TNFAIP8: variants seen among roughly 807,000 people sequenced by gnomAD.
The protein encoded by TNFAIP8 is tumor necrosis factor alpha-induced protein 8.
A neutral mutation model predicts 13.3 loss-of-function variants in TNFAIP8; 7 were observed. That is an observed-to-expected ratio of 0.52 (90% CI 0.30 to 0.99). The LOEUF (loss-of-function observed/expected upper bound fraction) is 0.99. Ranked by LOEUF, TNFAIP8 falls within the 50% of genes least tolerant of loss-of-function variation. The probability of loss-of-function intolerance (pLI) is 0.07; values close to 1 mark genes in which losing one functional copy is unlikely to be tolerated. For synonymous variants in TNFAIP8, 94 were observed against 87.6 expected, an observed-to-expected ratio of 1.07 and a Z score of -0.41; for missense variants, 258 against 236.9, an observed-to-expected ratio of 1.09 and a Z score of -0.58.
intron 1 of TNFAIP8, among the ~76,000 whole-genome samples, chr5:119,314,257 G>A (rs1225546420): frequency 1.3e-5 from 2 of 152,244 alleles, no homozygotes; most frequent in East Asian, 1.9e-4. Flanking sequence ...CAGCACATGG[G>A]ACAGGGTCTG....
intron 1 of TNFAIP8, among the ~76,000 whole-genome samples, chr5:119,271,509 C>T (rs1055183477): frequency 6.6e-6 from 1 of 152,154 alleles, no homozygotes; most frequent in Non-Finnish European, 1.5e-5. Flanking sequence ...TCCATTTATG[C>T]GTGATAGCAG....
At chr5:119,299,824 T>TC (rs1581583783) in intron 1 of TNFAIP8, among the ~76,000 whole-genome samples, 1 of 152,254 alleles carries the variant, frequency 6.6e-6, no homozygotes, top group East Asian at 1.9e-4. Flanking sequence ...CGGGCGCCCT[T>TC]CCCCCAGCCT....
At chr5:119,333,001 G>T (rs949771100) in intron 1 of TNFAIP8, among the ~76,000 whole-genome samples, 1 of 151,472 alleles carries the variant, frequency 6.6e-6, no homozygotes, top group Non-Finnish European at 1.5e-5. Flanking sequence ...TGAGCAATAC[G>T]TATTATTAAT....
At chr5:119,356,843 TGTGA>T (rs1313094682) in intron 1 of TNFAIP8, among the ~76,000 whole-genome samples, 1 of 152,088 alleles carries the variant, frequency 6.6e-6, no homozygotes, top group Non-Finnish European at 1.5e-5. Context: ...TTTATTTGTG[TGTGA>T]GTGTTTGTAT....
intron 1 of TNFAIP8, among the ~76,000 whole-genome samples, chr5:119,357,495 C>T (rs191580360): frequency 2.6e-5 from 4 of 152,072 alleles, no homozygotes; most frequent in South Asian, 2.1e-4. Context: ...CTTAAGCTGG[C>T]GTTTTCTCTC....
rs554821127 is a variant in TNFAIP8 at position 119,332,972 on chromosome 5, C to T, written c.2-59844C>T. 2.0e-5 allele frequency among the ~76,000 whole-genome samples: 3 copies of T among 152,198 alleles called. No individual in the cohort carries two copies. In the East Asian group the frequency reaches 5.8e-4, roughly 29 times the overall value. On this transcript the variant is annotated intron_variant, in intron 1 of 1. Coordinates refer to the TNFAIP8 transcript ENST00000274456. ...TGTCCAAACTCTATTCTTAGTTCTC[C>T]TGAGAACAGAAACACCTCTGAGCAA...
At chr5:119,352,080 G>A (rs1408712351), upstream of TNFAIP8, among the ~76,000 whole-genome samples, 1 of 152,146 alleles carries the variant, frequency 6.6e-6, no homozygotes, top group East Asian at 1.9e-4. Flanking sequence ...GAGCCACTGT[G>A]CCCGGCCATA....
intron 1 of TNFAIP8, among the ~76,000 whole-genome samples, chr5:119,364,654 CTT>C (rs1751763342): frequency 6.6e-6 from 1 of 151,416 alleles, no homozygotes; most frequent in Admixed American, 6.6e-5. Context: ...AGTTATCACT[CTT>C]ATCATTTAGG....
chr5:119,362,958 C>A (rs968423558), intron 1 of TNFAIP8, among the ~76,000 whole-genome samples: 1 of 152,082 alleles, frequency 6.6e-6, no homozygotes, highest in Non-Finnish European at 1.5e-5. Flanking sequence ...GTGAGAGTAG[C>A]CAGTCACAAA....
intron 1 of TNFAIP8, among the ~76,000 whole-genome samples, chr5:119,341,021 G>A (rs141553720): frequency 5.2e-4 from 79 of 152,070 alleles, no homozygotes; most frequent in Middle Eastern, 3.4e-3. Context: ...GTTATAAAGC[G>A]GTTTCAAAGC....
chr5:119,307,916 C>T (rs554653730), intron 1 of TNFAIP8, among the ~76,000 whole-genome samples: 8 of 152,330 alleles, frequency 5.3e-5, no homozygotes, highest in African/African-American at 1.9e-4. Context: ...GTAGCTAGTA[C>T]TGTCCTTTGG....
chr5:119,392,049 T>C (rs551833976), intron 1 of TNFAIP8, among the ~76,000 whole-genome samples: 3 of 152,344 alleles, frequency 2.0e-5, no homozygotes, highest in African/African-American at 7.2e-5. Flanking sequence ...GAAAAGGTTA[T>C]TTCCCCAAAA....
intron 1 of TNFAIP8, among the ~76,000 whole-genome samples, chr5:119,278,048 G>A (rs1748511260): frequency 6.6e-6 from 1 of 152,156 alleles, no homozygotes; most frequent in Non-Finnish European, 1.5e-5. Context: ...TCAGACCATA[G>A]CAGGAGGGAC....
At chr5:119,276,338 G>A (rs971046636) in intron 1 of TNFAIP8, among the ~76,000 whole-genome samples, 2 of 151,980 alleles carry the variant, frequency 1.3e-5, no homozygotes, top group Non-Finnish European at 2.9e-5. Context: ...GGCTGGTCTC[G>A]AACTCCTGAC....
chr5:119,365,002 C>T (rs188953858), intron 1 of TNFAIP8, among the ~76,000 whole-genome samples: 2 of 151,782 alleles, frequency 1.3e-5, no homozygotes, highest in African/African-American at 4.8e-5. Context: ...CAGGCGTTCA[C>T]CACCACGCCC....
chr5:119,334,155 C>A lies in TNFAIP8; in HGVS notation c.2-58661C>A, dbSNP rs1476408760. On this transcript the variant is annotated intron_variant, in intron 1 of 1. Transcript: ENST00000274456. ...TCTAACAACCAAAAAAAAAAAAAAA[C>A]GGTTTACCTTACATATAAAGCATTT... Among the ~76,000 whole-genome samples, 109 of 117,112 alleles carry A rather than the reference C, an allele frequency of 9.3e-4. 1 individual carries two copies. Among genetic ancestry groups the A allele is most frequent in the African/African-American group, 4.2e-3 (102 of 24,366 alleles). The allele number at this position is 117,112 out of a possible 152,430, so 76.8% of individuals were successfully genotyped here.
At chr5:119,382,560 GATA>G (rs1246988100) in intron 1 of TNFAIP8, among the ~76,000 whole-genome samples, 5 of 152,000 alleles carry the variant, frequency 3.3e-5, no homozygotes, top group South Asian at 2.1e-4. Flanking sequence ...CCATAATAAT[GATA>G]ATAATAATAA....
At chr5:119,274,313 C>G (rs1748377881) in intron 1 of TNFAIP8, among the ~76,000 whole-genome samples, 1 of 152,232 alleles carries the variant, frequency 6.6e-6, no homozygotes, top group Non-Finnish European at 1.5e-5. Context: ...TTCCATCATT[C>G]TGTGGTCAGG....
At chr5:119,369,474 G>A (rs917033355) in intron 1 of TNFAIP8, among the ~76,000 whole-genome samples, 9 of 152,248 alleles carry the variant, frequency 5.9e-5, no homozygotes, top group African/African-American at 2.2e-4. Flanking sequence ...TTATGATGAT[G>A]GGCACATTGT....
Sources: gnomAD v4.1 joint callset for allele counts (sites outside exome capture counted in the v4.1 genomes callset) on GRCh38, gnomAD v4.1.1 for gene constraint, MANE v1.5 for transcripts, NCBI Gene and HGNC (gene_info 2026-07-23, HGNC 2026-07-21) for gene names.